Variants in GRID2 observed in about 807,000 individuals in gnomAD.
The protein encoded by GRID2 is glutamate receptor ionotropic, delta-2.
Under a neutral mutation model 114.8 loss-of-function variants are expected in GRID2, and 33 were observed. The ratio of observed to expected loss-of-function variants is 0.29; its 90% CI spans 0.22 to 0.38. GRID2 has a LOEUF of 0.38. Ranked by LOEUF, GRID2 falls within the 10% of genes least tolerant of loss-of-function variation. The pLI is 1.00. For synonymous variants in GRID2, 505 were observed against 449.9 expected (o/e 1.12, Z -1.55); for missense variants, 1,184 against 1,257.7 (o/e 0.94, Z 0.89).
intron 1 of GRID2, among the ~76,000 whole-genome samples, chr4:92,344,532 G>C (rs1260500555): frequency 6.6e-6 from 1 of 152,128 alleles, no homozygotes; most frequent in Non-Finnish European, 1.5e-5. Flanking sequence ...TTTTGCTGAG[G>C]AATCTGTGAT....
Position 93,772,529 on chromosome 4 carries a change from T to C in GRID2, c.*31T>C, listed in dbSNP as rs1265582841. 1 of 1,471,498 alleles carries C rather than the reference T, an allele frequency of 6.8e-7. No individual in the cohort carries two copies. Among genetic ancestry groups the C allele is most frequent in the Non-Finnish European group, 9.2e-7 (1 of 1,086,396 alleles). 91.2% of individuals were successfully genotyped at this position (1,471,498 alleles called of 1,614,324 possible). A position where few individuals can be genotyped will look rare whatever the true frequency, so the allele number is the denominator to read the frequency against. ...AAACAAATCTCTTCACTGTTTCTTT[T>C]TTAGGACTCCCTTTGCAAGGAGCAA... On this transcript the variant is annotated 3_prime_UTR_variant, in exon 16 of 16. Transcript: ENST00000282020.
At chr4:92,635,227 C>T (rs1358390709) in intron 2 of GRID2, among the ~76,000 whole-genome samples, 1 of 151,960 alleles carries the variant, frequency 6.6e-6, no homozygotes, top group African/African-American at 2.4e-5. Flanking sequence ...GAGCAAGCAG[C>T]ACTTTGAGTT....
intron 1 of GRID2, among the ~76,000 whole-genome samples, chr4:92,483,015 A>G (rs1400094149): frequency 6.6e-6 from 1 of 152,146 alleles, no homozygotes; most frequent in Non-Finnish European, 1.5e-5. Context: ...CATCTAGACA[A>G]ACTTGTTGTT....
At chr4:92,484,597 TA>T (rs1285463445) in intron 1 of GRID2, among the ~76,000 whole-genome samples, 1 of 152,064 alleles carries the variant, frequency 6.6e-6, no homozygotes, top group African/African-American at 2.4e-5. Flanking sequence ...TTTTATATAA[TA>T]TTTTATATAA....
At chr4:92,744,507 T>A (rs1186246667) in intron 2 of GRID2, among the ~76,000 whole-genome samples, 136 of 146,450 alleles carry the variant, frequency 9.3e-4, no homozygotes, top group East Asian at 1.8e-3. Context: ...AAAAAAAAAA[T>A]TTTTTTTCAG....
At chr4:93,136,231 ATTGTGTGTGTGT>A (rs1483157377) in intron 4 of GRID2, among the ~76,000 whole-genome samples, 1 of 115,822 alleles carries the variant, frequency 8.6e-6, no homozygotes, top group Non-Finnish European at 1.7e-5. Flanking sequence ...TCCAACAGTT[ATTGTGTGTGTGT>A]GTGTGTGTGT....
chr4:93,431,699 A>C (rs1271965037), intron 10 of GRID2, among the ~76,000 whole-genome samples: 1 of 152,184 alleles, frequency 6.6e-6, no homozygotes, highest in Non-Finnish European at 1.5e-5. Flanking sequence ...GAAAGAGATA[A>C]TAATTGGAAG....
chr4:92,594,531 T>G (rs1262251687), intron 2 of GRID2, among the ~76,000 whole-genome samples: 2 of 151,954 alleles, frequency 1.3e-5, no homozygotes, highest in Non-Finnish European at 2.9e-5. Context: ...AAGTTTCACG[T>G]TGCTGAAATT....
intron 1 of GRID2, among the ~76,000 whole-genome samples, chr4:92,540,142 A>C (rs1437017413): frequency 6.6e-5 from 10 of 152,200 alleles, no homozygotes; most frequent in African/African-American, 2.4e-4. Flanking sequence ...TACAAAAATT[A>C]ATTCAAGATG....
chr4:93,292,163 T>C (rs1753824638), intron 8 of GRID2, among the ~76,000 whole-genome samples: 1 of 152,192 alleles, frequency 6.6e-6, no homozygotes, highest in Admixed American at 6.5e-5. Context: ...ACTTATGTTG[T>C]ACAATTCATC....
At chr4:93,263,311 C>G (rs933397931) in intron 8 of GRID2, among the ~76,000 whole-genome samples, 2 of 151,944 alleles carry the variant, frequency 1.3e-5, no homozygotes, top group Non-Finnish European at 2.9e-5. Flanking sequence ...ATTTCTTCTA[C>G]TGACTTCTAA....
intron 8 of GRID2, among the ~76,000 whole-genome samples, chr4:93,252,600 G>T (rs1749093156): frequency 6.6e-6 from 1 of 152,010 alleles, no homozygotes; most frequent in Admixed American, 6.6e-5. Flanking sequence ...CTATTTCTCT[G>T]AAGAATGTCA....
chr4:93,631,259 C>T (rs1399853938), intron 14 of GRID2, among the ~76,000 whole-genome samples: 1 of 151,728 alleles, frequency 6.6e-6, no homozygotes, highest in Non-Finnish European at 1.5e-5. Flanking sequence ...GGTACATGTG[C>T]ACAACGTGCA....
chr4:92,387,077 G>A (rs1190935890), intron 1 of GRID2, among the ~76,000 whole-genome samples: 1 of 151,776 alleles, frequency 6.6e-6, no homozygotes, highest in African/African-American at 2.4e-5. Flanking sequence ...TTGATGGTCC[G>A]AAGCTGTTTA....
chr4:93,378,571 A>G (rs1433764169), intron 8 of GRID2, among the ~76,000 whole-genome samples: 1 of 152,118 alleles, frequency 6.6e-6, no homozygotes, highest in African/African-American at 2.4e-5. Context: ...TATATGGTTC[A>G]CAAACTTTAT....
chr4:93,772,482 G>A lies in GRID2; in HGVS notation c.3008G>A (p.Arg1003Gln), dbSNP rs773192553. 6.3e-6 allele frequency: 10 copies of A among 1,594,152 alleles called. No individual in the cohort carries two copies. The highest frequency in any genetic ancestry group is 1.3e-5 in the African/African-American group (1 of 74,190). Residue 1003 changes from arginine (R) to glutamine (Q), a missense_variant, in exon 16 of 16, where the codon CGA becomes CAA. Physicochemically the swap from Arg to Gln is conservative, Grantham distance 43. Coordinates refer to ENST00000282020, the MANE Select transcript of GRID2 (RefSeq NM_001510.4). ...LGLNLGNDPD[R>Q]GTSI is the part of the protein sequence containing the mutation. ...CTCAATCTGGGTAATGATCCAGACC[G>A]AGGCACCTCCATATGAGCATCAAAC...
At chr4:93,387,958 A>G (rs1764490792) in intron 8 of GRID2, among the ~76,000 whole-genome samples, 1 of 152,174 alleles carries the variant, frequency 6.6e-6, no homozygotes, top group South Asian at 2.1e-4. Context: ...GCCAATAATT[A>G]TGTATTTAAT....
At chr4:93,429,164 C>T (rs1769157673) in intron 10 of GRID2, among the ~76,000 whole-genome samples, 2 of 152,136 alleles carry the variant, frequency 1.3e-5, no homozygotes, top group Non-Finnish European at 1.5e-5. Flanking sequence ...CTTTCTTTTT[C>T]TGTCTGATAT....
chr4:93,000,874 T>G (rs573730750), intron 2 of GRID2, among the ~76,000 whole-genome samples: 1 of 151,620 alleles, frequency 6.6e-6, no homozygotes, highest in African/African-American at 2.4e-5. Context: ...ACTATTTGGG[T>G]GAAGTCCAAA....
Sources: allele counts gnomAD v4.1 joint callset (sites outside exome capture counted in the v4.1 genomes callset), GRCh38; gene constraint gnomAD v4.1.1; transcripts MANE v1.5; gene names NCBI Gene and HGNC (gene_info 2026-07-23, HGNC 2026-07-21).